The following EPB41L5 variants were observed in gnomAD, a reference collection of about 807,000 sequenced individuals.
EPB41L5 encodes the protein band 4.1-like protein 5.
EPB41L5 carries 55 observed loss-of-function variants against 106.6 expected under a neutral mutation model. The ratio of observed to expected loss-of-function variants is 0.52; its 90% confidence interval spans 0.42 to 0.65. The LOEUF (loss-of-function observed/expected upper bound fraction) is 0.65, where lower values mean the gene tolerates loss of function less well. EPB41L5 is among the 30% of genes least tolerant of loss of function. EPB41L5 has a pLI of 0.00. For synonymous variants in EPB41L5, 297 were observed against 306.7 expected (o/e 0.97, Z 0.33); for missense variants, 871 against 882.1 (o/e 0.99, Z 0.16).
intron 19 of EPB41L5, among the ~76,000 whole-genome samples, chr2:120,143,828 T>G (rs747225821): frequency 1.3e-5 from 2 of 152,154 alleles, no homozygotes; most frequent in Non-Finnish European, 1.5e-5. Context: ...ACATATAAAA[T>G]AAATATAAAA....
rs775853446 is a variant in EPB41L5 at position 120,176,689 on chromosome 2, G to T, written c.*1782G>T. Reference sequence around the variant, plus strand: ...CTGAAGGTGACACCTAGAACCAGGGGCTTGACCCAGGACATGATGGAATGA... The same window carrying T: ...CTGAAGGTGACACCTAGAACCAGGGTCTTGACCCAGGACATGATGGAATGA... On this transcript the variant is annotated 3_prime_UTR_variant, in exon 25 of 25. Transcript: ENST00000263713. The T allele has an allele frequency of 6.6e-6, 1 of 152,190 alleles. No homozygotes were observed. Among genetic ancestry groups the T allele is most frequent in the Non-Finnish European group, 1.5e-5 (1 of 68,054 alleles). The allele number at this position is 152,190 out of a possible 1,614,324, so 9.4% of individuals were successfully genotyped here.
chr2:120,029,287 C>G (rs1302986707), intron 2 of EPB41L5, among the ~76,000 whole-genome samples: 2 of 152,148 alleles, frequency 1.3e-5, no homozygotes. Flanking sequence ...GCCTCAGCCT[C>G]TCAAGTAGCT....
rs902012815 is a variant in EPB41L5, at chr2:120,019,221, G to A, written c.137G>A (p.Arg46Gln). ...AGDSKSIITC[R>Q]VSLLDGTDVS... ...GATTCTAAGTCCATCATCACGTGTCGGGTGTCCCTTCTGGATGGTACTGAT... is the reference window on the plus strand; with the variant it reads ...GATTCTAAGTCCATCATCACGTGTCAGGTGTCCCTTCTGGATGGTACTGAT... Residue 46 changes from arginine (R) to glutamine (Q), a missense_variant, in exon 2 of 25, where the codon CGG (arginine) becomes CAG (glutamine). Arg to Gln is a conservative substitution (Grantham distance 43, BLOSUM62 1). Transcript: ENST00000263713. The A allele has an allele frequency of 5.6e-6, 9 of 1,613,758 alleles. No homozygotes were observed. The highest frequency in any genetic ancestry group is 1.3e-5 in the African/African-American group (1 of 74,848).
chr2:120,047,396 C>T (rs1220745118), intron 3 of EPB41L5, among the ~76,000 whole-genome samples: 1 of 151,866 alleles, frequency 6.6e-6, no homozygotes, highest in Non-Finnish European at 1.5e-5. Context: ...AAGTTGGATT[C>T]CTAGGTATTT....
At position 120,078,512 on chromosome 2, in the gene EPB41L5, A is replaced by G. The variant is rs920189284; in HGVS notation, c.734A>G (p.Tyr245Cys). 16 of 1,608,142 alleles carry G rather than the reference A, an allele frequency of 9.9e-6. No homozygotes were observed. Among genetic ancestry groups the G allele is most frequent in the Non-Finnish European group, 1.4e-5 (16 of 1,177,532 alleles). Residue 245 changes from tyrosine to cysteine, a missense_variant, in exon 10 of 25, where the codon TAT (tyrosine) becomes TGT (cysteine). Tyr to Cys is a radical substitution (Grantham distance 194). Transcript: ENST00000263713. The part of the protein sequence containing the change: ...HVVKARDGND[Y>C]SLGLTPTGVL... ...AATTAGGCTAGAGATGGGAATGACT[A>G]TAGTTTGGGACTAACACCAACAGGA...
intron 24 of EPB41L5, among the ~76,000 whole-genome samples, chr2:120,169,796 G>A (rs1687588664): frequency 6.6e-6 from 1 of 152,202 alleles, no homozygotes; most frequent in African/African-American, 2.4e-5. Context: ...TGGCCAGTAA[G>A]CATTCTAGAC....
chr2:120,148,347 G>T (rs1036538102), intron 20 of EPB41L5, among the ~76,000 whole-genome samples: 1 of 151,648 alleles, frequency 6.6e-6, no homozygotes. Context: ...CTTAGGTAAG[G>T]TAGAAACCTT....
intron 10 of EPB41L5, among the ~76,000 whole-genome samples, chr2:120,085,163 C>G (rs749643219): frequency 6.6e-6 from 1 of 152,158 alleles, no homozygotes; most frequent in African/African-American, 2.4e-5. Context: ...CCATTGCTGG[C>G]GAGGAGCTAT....
At chr2:120,024,467 A>G (rs1022418318) in intron 2 of EPB41L5, among the ~76,000 whole-genome samples, 1 of 151,800 alleles carries the variant, frequency 6.6e-6, no homozygotes, top group Non-Finnish European at 1.5e-5. Context: ...GTGTTTGTTT[A>G]TTTTTTTGAG....
intron 1 of EPB41L5, among the ~76,000 whole-genome samples, chr2:120,015,852 G>A (rs1026146911): frequency 2.7e-5 from 4 of 148,864 alleles, no homozygotes; most frequent in African/African-American, 9.9e-5. Flanking sequence ...AGAATCCCTT[G>A]AGCATGGTAG....
At chr2:120,032,841 G>A (rs1713061) in intron 2 of EPB41L5, among the ~76,000 whole-genome samples, 152,000 of 152,374 alleles carry the variant, frequency 1, 75,815 homozygotes, top group Middle Eastern at 1. Context: ...GTAGTTGTTT[G>A]TAATTTTATA....
chr2:120,052,861 A>T (rs1680380640), intron 3 of EPB41L5, among the ~76,000 whole-genome samples: 1 of 152,238 alleles, frequency 6.6e-6, no homozygotes, highest in African/African-American at 2.4e-5. Flanking sequence ...TTCAACACCC[A>T]TAAATAATTG....
At chr2:120,040,884 A>C (rs2105206076) in intron 2 of EPB41L5, among the ~76,000 whole-genome samples, 1 of 152,230 alleles carries the variant, frequency 6.6e-6, no homozygotes, top group South Asian at 2.1e-4. Flanking sequence ...GATATGATAA[A>C]CCAACTATAT....
intron 21 of EPB41L5, among the ~76,000 whole-genome samples, 184 bp from the exon 22 acceptor site, chr2:120,164,652 A>G (rs1687309354): frequency 6.6e-6 from 1 of 152,224 alleles, no homozygotes; most frequent in South Asian, 2.1e-4. Flanking sequence ...TGATTGTAGT[A>G]TAGGTTTCCC....
intron 20 of EPB41L5, among the ~76,000 whole-genome samples, chr2:120,148,224 C>G (rs1316465744): frequency 6.6e-6 from 1 of 151,974 alleles, no homozygotes; most frequent in African/African-American, 2.4e-5. Context: ...AGTAATTTTA[C>G]AAAATTGTGC....
At chr2:120,131,410 G>A (rs750991767) in intron 17 of EPB41L5, among the ~76,000 whole-genome samples, 10 of 152,122 alleles carry the variant, frequency 6.6e-5, no homozygotes, top group Non-Finnish European at 1.5e-4. Context: ...ATAGGGTGGT[G>A]TTTCTACTTA....
chr2:120,064,906 T>C (rs2105293837), intron 3 of EPB41L5, among the ~76,000 whole-genome samples: 1 of 152,260 alleles, frequency 6.6e-6, no homozygotes, highest in East Asian at 1.9e-4. Flanking sequence ...TATGCAAACA[T>C]GAACCCAGAC....
chr2:120,014,792 G>C (rs938959130), intron 1 of EPB41L5, among the ~76,000 whole-genome samples: 2 of 152,066 alleles, frequency 1.3e-5, no homozygotes, highest in African/African-American at 4.8e-5. Flanking sequence ...GGAGTAGGCT[G>C]ACAGATGGGT....
At chr2:120,054,101 G>A (rs1680465233) in intron 3 of EPB41L5, among the ~76,000 whole-genome samples, 1 of 152,150 alleles carries the variant, frequency 6.6e-6, no homozygotes, top group Non-Finnish European at 1.5e-5. Context: ...AGCCATCCTA[G>A]TTGGTATGAA....
Sources: gnomAD v4.1 joint callset for allele counts (sites outside exome capture counted in the v4.1 genomes callset) on GRCh38, gnomAD v4.1.1 for gene constraint, MANE v1.5 for transcripts, NCBI Gene and HGNC (gene_info 2026-07-23, HGNC 2026-07-21) for gene names.